ITSN1: variants seen among roughly 807,000 people sequenced by gnomAD.
ITSN1 encodes intersectin-1.
In ITSN1, 58 loss-of-function variants were observed where a neutral mutation model predicts 239.8. The ratio of observed to expected loss-of-function variants is 0.24; its 90% CI spans 0.20 to 0.30. The LOEUF is 0.30. Among genes scored for constraint, ITSN1 ranks in the 10% least tolerant of loss-of-function variants. The pLI is 1.00. For synonymous variants in ITSN1, 780 were observed against 770.8 expected (o/e 1.01, Z -0.20); for missense variants, 1,558 against 2,103.3 (o/e 0.74, Z 5.07).
intron 31 of ITSN1, among the ~76,000 whole-genome samples, chr21:33,861,991 TAAAAAAAAAAA>T (rs776558259): frequency 1.7e-5 from 1 of 58,168 alleles, no homozygotes; most frequent in Non-Finnish European, 3.0e-5. Flanking sequence ...TCATCTCTAC[TAAAAAAAAAAA>T]AAAAAAAAAA....
In ITSN1 at chr21:33,774,947, AT is replaced by A. The variant is rs2069480193; in HGVS notation, c.1456-19del. On this transcript the variant is annotated intron_variant, in intron 13 of 39. Coordinates refer to ENST00000381318, the MANE Select transcript of ITSN1 (RefSeq NM_003024.3). ...ACCATTAAAAACAGTAATAATTTTT[AT>A]TATCTTTCATTTGTTCAAGAATGAT... 6.2e-7 allele frequency: 1 copy of A among 1,603,474 alleles called. No individual in the cohort carries two copies. Among genetic ancestry groups the A allele is most frequent in the Non-Finnish European group, 8.5e-7 (1 of 1,175,150 alleles).
At position 33,685,483 on chromosome 21, in the gene ITSN1, G is replaced by A. The variant is rs1243416030; in HGVS notation, c.-32-33314G>A. On this transcript the variant is annotated intron_variant, in intron 1 of 39. Transcript: ENST00000381318. ...TAGATGTATTGGGTATATTTAGGAAGTACCCCTTCAACGCTGTAATAATAT... is the reference window on the plus strand; with the variant it reads ...TAGATGTATTGGGTATATTTAGGAAATACCCCTTCAACGCTGTAATAATAT... Among the ~76,000 whole-genome samples, 6 of 152,106 alleles carry A rather than the reference G, an allele frequency of 3.9e-5. No individual in the cohort carries two copies. The South Asian group carries it at 8.3e-4, about 21-fold the overall frequency.
chr21:33,727,607 C>T (rs999069010), intron 4 of ITSN1, among the ~76,000 whole-genome samples: 2 of 69,758 alleles, frequency 2.9e-5, no homozygotes, highest in Admixed American at 3.3e-4. Context: ...TAAACTCATA[C>T]AAAAAAAAAA....
At chr21:33,707,705 G>A (rs375964048) in intron 1 of ITSN1, among the ~76,000 whole-genome samples, 1 of 152,096 alleles carries the variant, frequency 6.6e-6, no homozygotes, top group Non-Finnish European at 1.5e-5. Flanking sequence ...TGAGATTCAC[G>A]CATGTTGTTG....
intron 10 of ITSN1, among the ~76,000 whole-genome samples, chr21:33,767,091 C>T (rs2068779640): frequency 6.6e-6 from 1 of 152,174 alleles, no homozygotes; most frequent in South Asian, 2.1e-4. Flanking sequence ...TCGCTTGAGC[C>T]CAGGAGGCGG....
At position 33,802,593 on chromosome 21, in the gene ITSN1, T is replaced by TAA. The variant is rs11390596; in HGVS notation, c.2319+157_2319+158dup. The TAA allele has an allele frequency of 1.1e-3, 680 of 619,122 alleles. 1 individual carries two copies. Among genetic ancestry groups the TAA allele is most frequent in the Non-Finnish European group, 1.5e-3 (538 of 350,916 alleles). The allele number at this position is 619,122 out of a possible 1,614,324, so 38.4% of individuals were successfully genotyped here. On this transcript the variant is annotated intron_variant, in intron 20 of 39. Transcript: ENST00000381318. ...AGTCTGTGTAGTAGGTTGTGCTTTT[T>TAA]AAAAAAAAAGTAAGTCGTAAGTCTT...
rs2088597400 is a variant in ITSN1, at chr21:33,652,135, G to A, written c.-33+9422G>A. ...GCTCAAATTACCCAGCAGGTGCCTG[G>A]TGTGAAGCTACTTAGCCCGGGAGAG... On this transcript the variant is annotated intron_variant, in intron 1 of 39. Transcript: ENST00000381318. Among the ~76,000 whole-genome samples, 6 of 151,588 alleles carry A rather than the reference G, an allele frequency of 4.0e-5. No individual in the cohort carries two copies. In the South Asian group the frequency reaches 1.2e-3, roughly 31 times the overall value.
At chr21:33,654,030 CTCTT>C (rs1672284714) in intron 1 of ITSN1, among the ~76,000 whole-genome samples, 1 of 151,560 alleles carries the variant, frequency 6.6e-6, no homozygotes, top group Non-Finnish European at 1.5e-5. Flanking sequence ...TCTTTCCTTC[CTCTT>C]TCTCTTTCTT....
intron 16 of ITSN1, among the ~76,000 whole-genome samples, chr21:33,784,666 G>A (rs897533407): frequency 7.2e-5 from 11 of 152,294 alleles, no homozygotes; most frequent in Admixed American, 3.3e-4. Flanking sequence ...AATTAAATTG[G>A]AGAATCAAAA....
rs1419411967 is a variant in ITSN1, at chr21:33,835,941, ATAAT to A, written c.3470-499_3470-496del. The stretch of plus-strand genomic sequence containing the variant: ...GCGAGGCTCTGTCTCAAATAAATAA[ATAAT>A]AAATAAATAAATCACTGGTTTTAGT... On this transcript the variant is annotated intron_variant, in intron 28 of 39. Coordinates refer to ENST00000381318, the MANE Select transcript of ITSN1 (RefSeq NM_003024.3). 2.0e-5 allele frequency among the ~76,000 whole-genome samples: 3 copies of A among 152,324 alleles called. No homozygotes were observed. In the East Asian group the frequency reaches 5.8e-4, roughly 29 times the overall value.
rs551737651 is a variant in ITSN1 at position 33,868,273 on chromosome 21, G to C, written c.4173+942G>C. 3.3e-4 allele frequency among the ~76,000 whole-genome samples: 51 copies of C among 152,322 alleles called. No individual in the cohort carries two copies. The South Asian group carries it at 9.7e-3, about 29-fold the overall frequency. ...GGCTTCACCCAGTGGATCCCACACCGGGGCTGCAGCTGGAGCTGCCTGCCA... is the reference window on the plus strand; with the variant it reads ...GGCTTCACCCAGTGGATCCCACACCCGGGCTGCAGCTGGAGCTGCCTGCCA... On this transcript the variant is annotated intron_variant, in intron 33 of 39. Transcript: ENST00000381318.
In ITSN1 at chr21:33,838,744, A is replaced by T. The variant is rs532059701; in HGVS notation, c.3661+2112A>T. 3.9e-5 allele frequency among the ~76,000 whole-genome samples: 6 copies of T among 152,092 alleles called. No homozygotes were observed. The East Asian group carries it at 1.2e-3, about 29-fold the overall frequency. On this transcript the variant is annotated intron_variant, in intron 29 of 39. Transcript: ENST00000381318. ...TATAATACCAGTTTCGAAACATAGA[A>T]CTCTACCACCCAGTTTAGCAGTTCA...
intron 16 of ITSN1, among the ~76,000 whole-genome samples, chr21:33,793,178 T>G (rs2071278700): frequency 6.6e-6 from 1 of 152,236 alleles, no homozygotes; most frequent in Non-Finnish European, 1.5e-5. Context: ...ACTGACTTTC[T>G]ACAGACAAAC....
chr21:33,807,992 T>C (rs2072593463), intron 20 of ITSN1, among the ~76,000 whole-genome samples: 1 of 150,290 alleles, frequency 6.7e-6, no homozygotes, highest in South Asian at 2.1e-4. Context: ...GAGACCATCC[T>C]GGCTAACAAG....
intron 17 of ITSN1, among the ~76,000 whole-genome samples, chr21:33,794,695 G>A (rs2071399638): frequency 1.3e-5 from 2 of 152,198 alleles, no homozygotes; most frequent in African/African-American, 2.4e-5. Context: ...CTACTACTAT[G>A]TAGATAAATG....
chr21:33,674,352 A>G (rs2090470852), intron 1 of ITSN1, among the ~76,000 whole-genome samples: 1 of 152,230 alleles, frequency 6.6e-6, no homozygotes, highest in Admixed American at 6.5e-5. Flanking sequence ...CTGAAGGCCC[A>G]CAGCGTATAG....
rs557792099 is a variant in ITSN1, at chr21:33,730,504, C to T, written c.186-4540C>T. On this transcript the variant is annotated intron_variant, in intron 4 of 39. Transcript: ENST00000381318. ...GCAACCTCCATCTCCTAGGTTTAAG[C>T]AACTCTCTGCCTCAGCCTCCTGAGT... Among the ~76,000 whole-genome samples, 7 of 143,650 alleles carry T rather than the reference C, an allele frequency of 4.9e-5. 1 individual carries two copies. The South Asian group carries it at 1.6e-3, about 33-fold the overall frequency. The allele number at this position is 143,650 out of a possible 152,430, so 94.2% of individuals were successfully genotyped here. A position where few individuals can be genotyped will look rare whatever the true frequency, so the allele number is the denominator to read the frequency against.
In ITSN1 at chr21:33,819,339, G is replaced by A. The variant is rs1055947085; in HGVS notation, c.3016+16G>A. On this transcript the variant is annotated intron_variant, in intron 24 of 39. Transcript: ENST00000381318. ...TCGGGAGAAGGTGAGGGCCTGAGTT[G>A]TATTATGTTCTTCAGAAGGGTCAAG... 1 of 1,599,496 alleles carries A rather than the reference G, an allele frequency of 6.3e-7. No homozygotes were observed. The highest frequency in any genetic ancestry group is 8.6e-7 in the Non-Finnish European group (1 of 1,167,138).
Position 33,763,575 on chromosome 21 carries a change from G to C in ITSN1, c.788+1589G>C, listed in dbSNP as rs550568078. On this transcript the variant is annotated intron_variant, in intron 9 of 39. Transcript: ENST00000381318. ...CTCCAGACTTTGATAGATGTGCCTTGGGGTACAAAATCTTCCCTGGTTGAG... is the reference window on the plus strand; with the variant it reads ...CTCCAGACTTTGATAGATGTGCCTTCGGGTACAAAATCTTCCCTGGTTGAG... Among the ~76,000 whole-genome samples, 4 of 152,186 alleles carry C rather than the reference G, an allele frequency of 2.6e-5. No individual in the cohort carries two copies. In the South Asian group the frequency reaches 8.3e-4, roughly 32 times the overall value.
Sources: allele counts gnomAD v4.1 joint callset (sites outside exome capture counted in the v4.1 genomes callset), GRCh38; gene constraint gnomAD v4.1.1; transcripts MANE v1.5; gene names NCBI Gene and HGNC (gene_info 2026-07-23, HGNC 2026-07-21).